The following WDR1 variants were observed in gnomAD, a reference collection of about 807,000 sequenced individuals.
WDR1 encodes WD repeat domain 1.
A neutral mutation model predicts 71.9 loss-of-function variants in WDR1; 21 were observed. The observed-to-expected ratio is 0.29, with a 90% CI of 0.21 to 0.42. The LOEUF (loss-of-function observed/expected upper bound fraction) is 0.42. WDR1 is among the 10% of genes least tolerant of loss of function. The probability of loss-of-function intolerance (pLI) is 1.00; values close to 1 mark genes in which losing one functional copy is unlikely to be tolerated. For synonymous variants in WDR1, 424 were observed against 347.4 expected, an observed-to-expected ratio of 1.22 and a Z score of -2.45; for missense variants, 696 against 824.5, an observed-to-expected ratio of 0.84 and a Z score of 1.91.
intron 5 of WDR1, chr4:10,093,035 C>A (rs1560536819): frequency 2.3e-6 from 3 of 1,287,460 alleles, no homozygotes; most frequent in East Asian, 1.1e-4. Context: ...CAATATGCTC[C>A]CTCTCACCAC....
intron 11 of WDR1, among the ~76,000 whole-genome samples, chr4:10,079,535 C>A (rs1764935795): frequency 6.6e-6 from 1 of 152,256 alleles, no homozygotes; most frequent in Admixed American, 6.5e-5. Flanking sequence ...GGCACCCGCA[C>A]TGGGCCTTTG....
At chr4:10,100,098 A>G (rs1338923510) in intron 3 of WDR1, among the ~76,000 whole-genome samples, 1 of 152,250 alleles carries the variant, frequency 6.6e-6, no homozygotes, top group Non-Finnish European at 1.5e-5. Context: ...TCTGCTAAGC[A>G]GGTAAAGGCG....
intron 14 of WDR1, 196 bp downstream of exon 14, chr4:10,077,097 ATGGGGCCCCCG>A: frequency 2.9e-6 from 2 of 682,452 alleles, no homozygotes; most frequent in Non-Finnish European, 4.8e-6. Flanking sequence ...TGTCCTGTGC[ATGGGGCCCCCG>A]TGGTCCCTCA....
At chr4:10,081,583 A>G (rs1461452722) in intron 10 of WDR1, 139 bp from the exon 11 acceptor site, 1 of 624,438 alleles carries the variant, frequency 1.6e-6, no homozygotes, top group Non-Finnish European at 2.8e-6. Context: ...GACTTGCTAA[A>G]ATATGGGATG....
chr4:10,077,267 T>C lies in WDR1; in HGVS notation c.1714+37A>G, dbSNP rs114618565. ...AGGTGGCCCATGGAGCCCCGAACCA[T>C]GGGTGGTCCCTGCCAAGGCCTGGGG... On this transcript the variant is annotated intron_variant, in intron 14 of 14. Coordinates refer to ENST00000499869, the MANE Select transcript of WDR1 (RefSeq NM_017491.5). 471 of 1,612,522 alleles carry C rather than the reference T, an allele frequency of 2.9e-4. No homozygotes were observed. In the African/African-American group the frequency reaches 5.6e-3, roughly 19 times the overall value.
chr4:10,101,846 A>G (rs1054417632), intron 3 of WDR1, among the ~76,000 whole-genome samples: 16 of 152,248 alleles, frequency 1.1e-4, no homozygotes, highest in South Asian at 6.2e-4. Context: ...TCCATGTTAA[A>G]CATGTAAAAG....
chr4:10,083,482 C>T lies in WDR1; in HGVS notation c.1040-304G>A, dbSNP rs544692206. ...CCTCTGCTACTAGTTATCGGGTAGG[C>T]GCAACCCTCTAACCCCACATTTCTT... On this transcript the variant is annotated intron_variant, in intron 9 of 14. Transcript: ENST00000499869. 20 of 530,642 alleles carry T rather than the reference C, an allele frequency of 3.8e-5. 1 individual carries two copies. Among genetic ancestry groups the T allele is most frequent in the Admixed American group, 2.0e-4 (9 of 44,410 alleles). 32.9% of individuals were successfully genotyped at this position (530,642 alleles called of 1,614,324 possible). A position where few individuals can be genotyped will look rare whatever the true frequency, so the allele number is the denominator to read the frequency against.
At chr4:10,087,981 C>T in intron 7 of WDR1, 41 bp from the exon 8 acceptor site, 3 of 1,513,754 alleles carry the variant, frequency 2.0e-6, no homozygotes, top group South Asian at 2.6e-5. Flanking sequence ...CAGAGGACTA[C>T]AGACTGGAGA....
At position 10,084,531 on chromosome 4, in the gene WDR1, C is replaced by A; in HGVS notation, c.952-1G>T. The A allele has an allele frequency of 6.2e-7, 1 of 1,613,692 alleles. No individual in the cohort carries two copies. The highest frequency in any genetic ancestry group is 8.5e-7 in the Non-Finnish European group (1 of 1,179,678). ...GACACTGGATCGATTTACTGTGACC[C>A]TGTGAAGGAGACACACTGGGCGGGT... is the stretch of plus-strand genomic sequence containing the variant. On this transcript the variant is annotated splice_acceptor_variant, in intron 8 of 14. Transcript: ENST00000499869. LOFTEE classifies it high-confidence loss of function.
intron 2 of WDR1, chr4:10,115,908 C>T: frequency 3.2e-6 from 2 of 628,178 alleles, no homozygotes; most frequent in Non-Finnish European, 5.5e-6. Context: ...GACTCAGTTT[C>T]CTCATCAAGA....
chr4:10,100,767 G>C (rs1712635278), intron 3 of WDR1, among the ~76,000 whole-genome samples: 1 of 152,242 alleles, frequency 6.6e-6, no homozygotes, highest in Non-Finnish European at 1.5e-5. Flanking sequence ...AAACAGGCCG[G>C]GGGGGAAGAA....
At chr4:10,105,689 A>C (rs767345132) in intron 2 of WDR1, among the ~76,000 whole-genome samples, 1 of 152,196 alleles carries the variant, frequency 6.6e-6, no homozygotes, top group Non-Finnish European at 1.5e-5. Context: ...GCAAAATGGT[A>C]CAGTTGGAAA....
At chr4:10,086,754 G>C (rs1218880871) in intron 8 of WDR1, among the ~76,000 whole-genome samples, 1 of 152,194 alleles carries the variant, frequency 6.6e-6, no homozygotes, top group Non-Finnish European at 1.5e-5. Context: ...GCCCGAGAAG[G>C]GCTGCTGGGA....
intron 13 of WDR1, 71 bp downstream of exon 13, chr4:10,077,682 T>C: frequency 6.8e-7 from 1 of 1,479,756 alleles, no homozygotes; most frequent in Non-Finnish European, 9.0e-7. Context: ...GGTCACCAAG[T>C]CACAGATAAC....
At chr4:10,115,898 G>C (rs143603459) in intron 2 of WDR1, 41 of 605,340 alleles carry the variant, frequency 6.8e-5, no homozygotes, top group Admixed American at 3.9e-4. Context: ...AACGAACTAA[G>C]ACTCAGTTTC....
rs1027327666 is a variant in WDR1 at position 10,074,394 on chromosome 4, T to G, written c.*984A>C. ...GGCTAATCTCTTAAAGCGCTCAAAG[T>G]GTTTTCACAAGTGCAAGGGGAGGGA... On this transcript the variant is annotated 3_prime_UTR_variant, in exon 15 of 15. Transcript: ENST00000499869. 2 of 152,578 alleles carry G rather than the reference T, an allele frequency of 1.3e-5. No individual in the cohort carries two copies. The highest frequency in any genetic ancestry group is 2.4e-5 in the African/African-American group (1 of 41,432). The allele number at this position is 152,578 out of a possible 1,614,324, so 9.5% of individuals were successfully genotyped here. A position where few individuals can be genotyped will look rare whatever the true frequency, so the allele number is the denominator to read the frequency against.
intron 5 of WDR1, among the ~76,000 whole-genome samples, chr4:10,095,096 C>T (rs934668935): frequency 5.3e-5 from 8 of 152,300 alleles, no homozygotes; most frequent in African/African-American, 1.2e-4. Context: ...GTGCAGAAGG[C>T]GCAGATGAAG....
intron 5 of WDR1, among the ~76,000 whole-genome samples, chr4:10,089,482 A>T (rs1420989949): frequency 6.7e-6 from 1 of 150,072 alleles, no homozygotes; most frequent in African/African-American, 2.4e-5. Flanking sequence ...AAAGGAAATG[A>T]CATGACTTCC....
chr4:10,114,943 C>A lies in WDR1; in HGVS notation c.138+1170G>T, dbSNP rs1463598450. ...CGGGCAGAGCCAGCAGCTCTTCGGA[C>A]CAAGAGGCTTCTCCTTTCACAGAGA... On this transcript the variant is annotated intron_variant, in intron 2 of 14. Transcript: ENST00000499869. Among the ~76,000 whole-genome samples, 5 of 152,298 alleles carry A rather than the reference C, an allele frequency of 3.3e-5. No individual in the cohort carries two copies. The East Asian group carries it at 9.7e-4, about 29-fold the overall frequency.
Sources: gnomAD v4.1 joint callset for allele counts (sites outside exome capture counted in the v4.1 genomes callset) on GRCh38, gnomAD v4.1.1 for gene constraint, MANE v1.5 for transcripts, NCBI Gene and HGNC (gene_info 2026-07-23, HGNC 2026-07-21) for gene names.